RERE: variants seen among roughly 807,000 people sequenced by gnomAD.
The protein encoded by RERE is arginine-glutamic acid dipeptide repeats, also known as arginine-glutamic acid dipeptide repeats protein.
Under a neutral mutation model 146.1 loss-of-function variants are expected in RERE, and 40 were observed. The ratio of observed to expected loss-of-function variants is 0.27; its 90% CI spans 0.21 to 0.36. The LOEUF (loss-of-function observed/expected upper bound fraction) is 0.36. Among genes scored for constraint, RERE ranks in the 10% least tolerant of loss-of-function variants. RERE has a pLI of 1.00. For synonymous variants in RERE, 1,003 were observed against 866.0 expected, an observed-to-expected ratio of 1.16 and a Z score of -2.78; for missense variants, 1,933 against 2,138.7, an observed-to-expected ratio of 0.90 and a Z score of 1.90.
chr1:8,429,482 A>G (rs2124480675), intron 11 of RERE, among the ~76,000 whole-genome samples: 1 of 152,346 alleles, frequency 6.6e-6, no homozygotes, highest in Admixed American at 6.5e-5. Flanking sequence ...TGAAACTCCC[A>G]GCACATCTCA....
chr1:8,412,853 G>A (rs573667866), intron 12 of RERE, among the ~76,000 whole-genome samples: 1 of 152,164 alleles, frequency 6.6e-6, no homozygotes, highest in Non-Finnish European at 1.5e-5. Context: ...GGATATCCAG[G>A]TTTCAAACTG....
chr1:8,658,163 C>T, intron 1 of RERE, among the ~76,000 whole-genome samples: 1 of 152,108 alleles, frequency 6.6e-6, no homozygotes, highest in Admixed American at 6.5e-5. Flanking sequence ...AATAATTTAT[C>T]TTTTGTTTTT....
chr1:8,500,527 G>T (rs932298178), intron 8 of RERE, among the ~76,000 whole-genome samples: 1 of 152,252 alleles, frequency 6.6e-6, no homozygotes, highest in Non-Finnish European at 1.5e-5. Flanking sequence ...TGGTGCCCAG[G>T]CTGGAGTGCA....
chr1:8,756,951 C>G (rs1187912254), intron 1 of RERE, among the ~76,000 whole-genome samples: 1 of 151,940 alleles, frequency 6.6e-6, no homozygotes, highest in African/African-American at 2.4e-5. Context: ...ATTAGTCAGG[C>G]ATGGTAGTGC....
intron 19 of RERE, among the ~76,000 whole-genome samples, 162 bp downstream of exon 19, chr1:8,359,602 C>CA (rs1641467072): frequency 6.6e-6 from 1 of 152,224 alleles, no homozygotes; most frequent in Non-Finnish European, 1.5e-5. Flanking sequence ...GGATGTGCAG[C>CA]ACCCGTCAGA....
chr1:8,477,893 A>G (rs1644775961), intron 10 of RERE, among the ~76,000 whole-genome samples: 2 of 152,250 alleles, frequency 1.3e-5, no homozygotes, highest in East Asian at 1.9e-4. Context: ...ACACTGATGC[A>G]TATAAAGCTC....
intron 10 of RERE, among the ~76,000 whole-genome samples, chr1:8,493,560 A>G (rs1645005566): frequency 6.6e-6 from 1 of 152,236 alleles, no homozygotes. Context: ...GTAGATTTCT[A>G]AATCAGGAAT....
intron 4 of RERE, among the ~76,000 whole-genome samples, chr1:8,563,150 T>C (rs1646098663): frequency 6.6e-6 from 1 of 152,156 alleles, no homozygotes; most frequent in Admixed American, 6.5e-5. Flanking sequence ...GGGTCTAACG[T>C]TGAGATGGAA....
rs1211286728 is a variant in RERE, at chr1:8,354,136, C to T, written c.*951G>A. 1 of 152,478 alleles carries T rather than the reference C, an allele frequency of 6.6e-6. No individual in the cohort carries two copies. Among genetic ancestry groups the T allele is most frequent in the Non-Finnish European group, 1.5e-5 (1 of 68,044 alleles). 9.4% of individuals were successfully genotyped at this position (152,478 alleles called of 1,614,324 possible). A position where few individuals can be genotyped will look rare whatever the true frequency, so the allele number is the denominator to read the frequency against. On this transcript the variant is annotated 3_prime_UTR_variant, in exon 23 of 23. Transcript: ENST00000400908. ...AATGGACACAGGCCCATGCGCTTTC[C>T]ATCCCGTGGAAACAGAACAGTGACA...
intron 6 of RERE, among the ~76,000 whole-genome samples, chr1:8,552,577 A>T (rs1645948939): frequency 6.6e-6 from 1 of 152,154 alleles, no homozygotes. Context: ...CTGTGAATAA[A>T]CTATGAGAAG....
chr1:8,540,662 T>TA (rs1043211885), intron 7 of RERE, among the ~76,000 whole-genome samples: 4 of 152,200 alleles, frequency 2.6e-5, no homozygotes, highest in Admixed American at 1.3e-4. Flanking sequence ...CTTCTCATTT[T>TA]AAAAAAATAG....
At chr1:8,675,189 C>T (rs185521056) in intron 1 of RERE, among the ~76,000 whole-genome samples, 194 of 152,244 alleles carry the variant, frequency 1.3e-3, no homozygotes, top group Admixed American at 2.4e-3. Context: ...TGCCTAGAGA[C>T]GTGCCATTTT....
intron 8 of RERE, among the ~76,000 whole-genome samples, chr1:8,498,732 T>TAC (rs1553175300): frequency 0.027 from 2,857 of 107,800 alleles, 76 homozygotes; most frequent in Non-Finnish European, 0.032. Flanking sequence ...AATAAATATA[T>TAC]ACACACACAC....
intron 7 of RERE, among the ~76,000 whole-genome samples, chr1:8,529,002 G>A (rs1476626495): frequency 6.6e-6 from 1 of 152,154 alleles, no homozygotes; most frequent in Non-Finnish European, 1.5e-5. Context: ...TCTGGATTTT[G>A]AAGCATTTTA....
chr1:8,490,483 C>A (rs1163283138), intron 10 of RERE, among the ~76,000 whole-genome samples: 1 of 150,204 alleles, frequency 6.7e-6, no homozygotes, highest in Non-Finnish European at 1.5e-5. Context: ...AAGACTCATA[C>A]AACAATGTTG....
At position 8,614,641 on chromosome 1, in the gene RERE, A is replaced by G. The variant is rs1383677233; in HGVS notation, c.442T>C (p.Cys148Arg). 4.3e-6 allele frequency: 7 copies of G among 1,613,120 alleles called. No individual in the cohort carries two copies. Among genetic ancestry groups the G allele is most frequent in the Non-Finnish European group, 5.9e-6 (7 of 1,179,534 alleles). Residue 148 changes from cysteine to arginine, a missense_variant, in exon 4 of 23, where the codon TGT becomes CGT. Transcript: ENST00000400908. ...ACCRSPTPALCDPPACSLPVA... is the reference protein window; with the variant it reads ...ACCRSPTPALRDPPACSLPVA... ...GGCAGAGAGCATGCTGGGGGGTCAC[A>G]CAAAGCAGGAGTTGGAGATCTGCAA...
intron 2 of RERE, among the ~76,000 whole-genome samples, chr1:8,631,059 A>G (rs781683140): frequency 6.6e-6 from 1 of 152,246 alleles, no homozygotes; most frequent in Non-Finnish European, 1.5e-5. Context: ...CTTTATCCTC[A>G]TTGCTAACAA....
rs187339697 is a variant in RERE at position 8,414,661 on chromosome 1, A to T, written c.1284+8066T>A. Among the ~76,000 whole-genome samples the T allele has an allele frequency of 6.6e-5, 10 of 150,910 alleles. No individual in the cohort carries two copies. In the East Asian group the frequency reaches 1.6e-3, roughly 24 times the overall value. On this transcript the variant is annotated intron_variant, in intron 12 of 22. Coordinates refer to ENST00000400908, the MANE Select transcript of RERE (RefSeq NM_001042681.2). ...AGACACTTGAGCAGAACAAAGAATT[A>T]TATTTCCAAAGTGGGGGGGTCGGTG...
chr1:8,772,245 G>A (rs572851176), intron 1 of RERE, among the ~76,000 whole-genome samples: 3 of 151,364 alleles, frequency 2.0e-5, no homozygotes, highest in South Asian at 2.1e-4. Flanking sequence ...TTTTAATTAC[G>A]AGATATAACC....
Sources: allele counts gnomAD v4.1 joint callset (sites outside exome capture counted in the v4.1 genomes callset), GRCh38; gene constraint gnomAD v4.1.1; transcripts MANE v1.5; gene names NCBI Gene and HGNC (gene_info 2026-07-23, HGNC 2026-07-21).